The following NPAS3 variants were observed in gnomAD, a reference collection of about 807,000 sequenced individuals.
NPAS3 encodes neuronal PAS domain-containing protein 3.
In NPAS3, 14 loss-of-function variants were observed where a neutral mutation model predicts 73.1. The ratio of observed to expected loss-of-function variants is 0.19; its 90% CI spans 0.13 to 0.30. The LOEUF (loss-of-function observed/expected upper bound fraction) is 0.30. NPAS3 is among the 10% of genes least tolerant of loss of function. The pLI is 1.00. For missense variants in NPAS3, 1,096 were observed against 1,250.0 expected, an observed-to-expected ratio of 0.88 and a Z score of 1.86; for synonymous variants, 620 against 541.5, an observed-to-expected ratio of 1.14 and a Z score of -2.01.
intron 5 of NPAS3, among the ~76,000 whole-genome samples, chr14:33,625,827 A>G (rs1308285419): frequency 6.6e-6 from 1 of 152,208 alleles, no homozygotes; most frequent in African/African-American, 2.4e-5. Flanking sequence ...ATAAAGCAAT[A>G]GGAGAATTCA....
intron 4 of NPAS3, among the ~76,000 whole-genome samples, chr14:33,478,051 G>A (rs2051128937): frequency 6.6e-6 from 1 of 152,130 alleles, no homozygotes; most frequent in South Asian, 2.1e-4. Context: ...GGGGGAACTG[G>A]CAACACTCGC....
intron 7 of NPAS3, among the ~76,000 whole-genome samples, chr14:33,743,327 C>G (rs2061701320): frequency 6.6e-6 from 1 of 152,140 alleles, no homozygotes. Context: ...CACTGACCCC[C>G]CTGTATGTTG....
intron 4 of NPAS3, among the ~76,000 whole-genome samples, chr14:33,533,891 A>T (rs1206773998): frequency 2.0e-5 from 3 of 152,124 alleles, no homozygotes; most frequent in African/African-American, 7.2e-5. Flanking sequence ...TGTATATATA[A>T]ATGTATATGA....
intron 5 of NPAS3, among the ~76,000 whole-genome samples, chr14:33,563,333 C>T (rs1324033488): frequency 3.4e-5 from 5 of 148,996 alleles, no homozygotes; most frequent in Admixed American, 6.7e-5. Context: ...GGGATAGAGA[C>T]AGCCAGAGCG....
intron 7 of NPAS3, among the ~76,000 whole-genome samples, chr14:33,768,932 T>A (rs2062552271): frequency 6.6e-6 from 1 of 152,228 alleles, no homozygotes; most frequent in African/African-American, 2.4e-5. Context: ...CATTCTTTGA[T>A]ATGTTAGCAC....
intron 2 of NPAS3, among the ~76,000 whole-genome samples, chr14:33,137,200 A>G (rs933038467): frequency 6.6e-6 from 1 of 152,238 alleles, no homozygotes; most frequent in African/African-American, 2.4e-5. Flanking sequence ...TAATTGAATT[A>G]ACATGAGGAC....
chr14:33,772,078 TAGTC>T (rs1344007866), intron 7 of NPAS3, among the ~76,000 whole-genome samples: 9 of 152,224 alleles, frequency 5.9e-5, no homozygotes, highest in East Asian at 1.9e-4. Context: ...TCCTTTAAAA[TAGTC>T]AGTCACTAAT....
intron 2 of NPAS3, among the ~76,000 whole-genome samples, chr14:33,212,395 G>T (rs1448766250): frequency 1.3e-5 from 2 of 152,048 alleles, no homozygotes; most frequent in African/African-American, 4.8e-5. Context: ...ACTCTAATAG[G>T]GGGACACCAT....
At chr14:33,437,705 T>G (rs2049049020) in intron 4 of NPAS3, among the ~76,000 whole-genome samples, 1 of 152,204 alleles carries the variant, frequency 6.6e-6, no homozygotes, top group African/African-American at 2.4e-5. Flanking sequence ...TGGAAATATT[T>G]TAAATACTTG....
intron 2 of NPAS3, among the ~76,000 whole-genome samples, chr14:33,179,968 T>C (rs2139432502): frequency 6.6e-6 from 1 of 152,332 alleles, no homozygotes; most frequent in African/African-American, 2.4e-5. Context: ...AGCGATAAGA[T>C]ATTCTGCCAA....
intron 2 of NPAS3, among the ~76,000 whole-genome samples, chr14:33,178,225 C>G (rs1157737483): frequency 6.6e-6 from 1 of 151,932 alleles, no homozygotes; most frequent in Non-Finnish European, 1.5e-5. Flanking sequence ...CAGGTGCACA[C>G]CACCACACCC....
At chr14:33,064,893 G>C (rs1444730017) in intron 2 of NPAS3, among the ~76,000 whole-genome samples, 1 of 152,054 alleles carries the variant, frequency 6.6e-6, no homozygotes, top group East Asian at 1.9e-4. Context: ...CACCTGACTC[G>C]GCTGGGAAAT....
intron 1 of NPAS3, among the ~76,000 whole-genome samples, chr14:33,003,888 C>T (rs1420344306): frequency 1.3e-5 from 2 of 152,012 alleles, no homozygotes; most frequent in East Asian, 3.9e-4. Flanking sequence ...CCACACTTAC[C>T]CTGGAATTTC....
intron 1 of NPAS3, among the ~76,000 whole-genome samples, chr14:33,028,417 T>C (rs2039879121): frequency 6.6e-6 from 1 of 152,130 alleles, no homozygotes; most frequent in Non-Finnish European, 1.5e-5. Flanking sequence ...TGAACAATAG[T>C]GGGAATGATA....
At chr14:33,590,697 G>A (rs2057033463) in intron 5 of NPAS3, among the ~76,000 whole-genome samples, 2 of 152,242 alleles carry the variant, frequency 1.3e-5, no homozygotes, top group South Asian at 2.1e-4. Flanking sequence ...TCCCCCATGC[G>A]TTGATGTGAG....
chr14:33,658,551 TAAA>T (rs1295900009), intron 5 of NPAS3, among the ~76,000 whole-genome samples: 1 of 152,108 alleles, frequency 6.6e-6, no homozygotes, highest in Non-Finnish European at 1.5e-5. Context: ...CAAAACCAAA[TAAA>T]ACACACCAGT....
At chr14:33,648,388 A>G (rs948542013) in intron 5 of NPAS3, among the ~76,000 whole-genome samples, 5 of 152,198 alleles carry the variant, frequency 3.3e-5, no homozygotes, top group African/African-American at 1.2e-4. Flanking sequence ...ACTTTTTGAA[A>G]ATAACTTGGG....
At chr14:33,060,002 C>T (rs2041038548) in intron 2 of NPAS3, among the ~76,000 whole-genome samples, 1 of 152,142 alleles carries the variant, frequency 6.6e-6, no homozygotes, top group Non-Finnish European at 1.5e-5. Flanking sequence ...AGGCTGGTCT[C>T]GAACTCCTGG....
chr14:33,121,914 AGAT>A (rs2043244206), intron 2 of NPAS3, among the ~76,000 whole-genome samples: 1 of 152,174 alleles, frequency 6.6e-6, no homozygotes, highest in African/African-American at 2.4e-5. Flanking sequence ...TCTGATACTC[AGAT>A]GACAGAAGTT....
Sources: allele counts gnomAD v4.1 joint callset (sites outside exome capture counted in the v4.1 genomes callset), GRCh38; gene constraint gnomAD v4.1.1; transcripts MANE v1.5; gene names NCBI Gene and HGNC (gene_info 2026-07-23, HGNC 2026-07-21).